The following DOCK3 variants were observed in gnomAD, a reference collection of about 807,000 sequenced individuals.
DOCK3 encodes dedicator of cytokinesis 3.
In DOCK3, 60 loss-of-function variants were observed where a neutral mutation model predicts 265.6. The observed-to-expected ratio is 0.23, with a 90% CI of 0.18 to 0.28. The LOEUF (loss-of-function observed/expected upper bound fraction) is 0.28. Ranked by LOEUF, DOCK3 falls within the 10% of genes least tolerant of loss-of-function variation. The probability of loss-of-function intolerance (pLI) is 1.00; values close to 1 mark genes in which losing one functional copy is unlikely to be tolerated. For missense variants in DOCK3, 1,981 were observed against 2,594.3 expected, an observed-to-expected ratio of 0.76 and a Z score of 5.14; for synonymous variants, 881 against 938.0, an observed-to-expected ratio of 0.94 and a Z score of 1.11.
At chr3:51,035,535 G>A (rs1488359147) in intron 5 of DOCK3, among the ~76,000 whole-genome samples, 2 of 152,110 alleles carry the variant, frequency 1.3e-5, no homozygotes, top group Non-Finnish European at 2.9e-5. Flanking sequence ...GTATTTGTCT[G>A]ATAATTCCAA....
chr3:50,944,834 C>T (rs1164849865), intron 5 of DOCK3, among the ~76,000 whole-genome samples: 1 of 152,124 alleles, frequency 6.6e-6, no homozygotes, highest in Admixed American at 6.6e-5. Flanking sequence ...GTGGCAGGAG[C>T]CTGTAATCCC....
At chr3:51,101,190 G>A (rs1452130738) in intron 9 of DOCK3, among the ~76,000 whole-genome samples, 5 of 141,932 alleles carry the variant, frequency 3.5e-5, no homozygotes, top group African/African-American at 1.1e-4. Context: ...GCGCAATCTC[G>A]GCTCACTGCA....
intron 2 of DOCK3, among the ~76,000 whole-genome samples, chr3:50,780,147 C>T (rs2041838649): frequency 6.6e-6 from 1 of 152,166 alleles, no homozygotes; most frequent in South Asian, 2.1e-4. Context: ...TATAAATTAG[C>T]ACCCTTTTGT....
intron 12 of DOCK3, among the ~76,000 whole-genome samples, chr3:51,205,202 A>G (rs1422028023): frequency 6.6e-6 from 1 of 150,886 alleles, no homozygotes; most frequent in African/African-American, 2.5e-5. Context: ...ACAGTGAAAA[A>G]AAAAGAAAAA....
chr3:51,062,350 C>T (rs1327095212), intron 5 of DOCK3, among the ~76,000 whole-genome samples: 1 of 152,138 alleles, frequency 6.6e-6, no homozygotes, highest in African/African-American at 2.4e-5. Flanking sequence ...CCTGTTTTTC[C>T]TGAACATGCC....
intron 27 of DOCK3, among the ~76,000 whole-genome samples, chr3:51,306,187 A>G (rs965470889): frequency 6.6e-6 from 1 of 151,786 alleles, no homozygotes; most frequent in Non-Finnish European, 1.5e-5. Flanking sequence ...TTTGAATGGT[A>G]GTTTTGCTGG....
At chr3:50,709,605 C>G (rs1559537965) in intron 1 of DOCK3, among the ~76,000 whole-genome samples, 1 of 152,028 alleles carries the variant, frequency 6.6e-6, no homozygotes, top group African/African-American at 2.4e-5. Flanking sequence ...GTGGGCCTAT[C>G]ACGTAAGGTC....
intron 9 of DOCK3, among the ~76,000 whole-genome samples, chr3:51,090,978 A>T (rs1027848443): frequency 1.3e-5 from 2 of 152,210 alleles, no homozygotes; most frequent in African/African-American, 4.8e-5. Context: ...TAGAAATGGA[A>T]GTTATAACAG....
intron 6 of DOCK3, among the ~76,000 whole-genome samples, chr3:51,072,849 C>A (rs1471468204): frequency 6.6e-6 from 1 of 151,664 alleles, no homozygotes; most frequent in Non-Finnish European, 1.5e-5. Flanking sequence ...GGACTGCAGT[C>A]ACATGCCATC....
intron 12 of DOCK3, among the ~76,000 whole-genome samples, chr3:51,169,661 A>T (rs2086578482): frequency 6.6e-6 from 1 of 152,076 alleles, no homozygotes; most frequent in South Asian, 2.1e-4. Context: ...TGGGTAATGA[A>T]ATAATCTGTA....
At chr3:51,315,197 A>T (rs2083298571) in intron 32 of DOCK3, 69 bp downstream of exon 32, 2 of 1,473,616 alleles carry the variant, frequency 1.4e-6, no homozygotes, top group Non-Finnish European at 9.1e-7. Context: ...GGTGGCCTAG[A>T]TGACCAAGCC....
intron 1 of DOCK3, among the ~76,000 whole-genome samples, chr3:50,700,233 C>G (rs181063523): frequency 6.6e-6 from 1 of 152,184 alleles, no homozygotes; most frequent in Non-Finnish European, 1.5e-5. Flanking sequence ...GAGCGGAGAT[C>G]GCACCATTGC....
At chr3:51,017,675 T>C (rs1451564145) in intron 5 of DOCK3, among the ~76,000 whole-genome samples, 2 of 151,906 alleles carry the variant, frequency 1.3e-5, no homozygotes, top group African/African-American at 4.9e-5. Flanking sequence ...CCAAAATTCC[T>C]GTTGTTACTG....
chr3:51,180,226 A>AAC (rs2087208546), intron 12 of DOCK3, among the ~76,000 whole-genome samples: 1 of 91,282 alleles, frequency 1.1e-5, no homozygotes, highest in Non-Finnish European at 2.2e-5. Flanking sequence ...AAAAAAAAAA[A>AAC]CACACACACA....
At chr3:51,196,890 T>C (rs188233506) in intron 12 of DOCK3, among the ~76,000 whole-genome samples, 96 of 152,372 alleles carry the variant, frequency 6.3e-4, no homozygotes, top group Non-Finnish European at 1.1e-3. Context: ...TATTTTTGGA[T>C]ACTTATTATG....
intron 3 of DOCK3, among the ~76,000 whole-genome samples, chr3:50,844,479 C>G (rs1242091737): frequency 1.3e-5 from 2 of 152,074 alleles, no homozygotes; most frequent in African/African-American, 4.8e-5. Flanking sequence ...CCTCAGCCTC[C>G]CAAAGTGCTG....
At chr3:50,711,512 T>A (rs1263113855) in intron 1 of DOCK3, among the ~76,000 whole-genome samples, 1 of 152,174 alleles carries the variant, frequency 6.6e-6, no homozygotes, top group Non-Finnish European at 1.5e-5. Flanking sequence ...TCCACCCTCC[T>A]TAGCCTCCCA....
intron 5 of DOCK3, among the ~76,000 whole-genome samples, chr3:50,974,408 A>G (rs1559884220): frequency 6.6e-6 from 1 of 151,932 alleles, no homozygotes; most frequent in African/African-American, 2.4e-5. Flanking sequence ...TCCTTTCCCC[A>G]TTGCTTGTTT....
At chr3:51,116,003 A>G (rs1172844421) in intron 9 of DOCK3, among the ~76,000 whole-genome samples, 1 of 152,006 alleles carries the variant, frequency 6.6e-6, no homozygotes, top group African/African-American at 2.4e-5. Flanking sequence ...ATTGGTCTAT[A>G]TCTCTGTTTT....
Sources: gnomAD v4.1 joint callset for allele counts (sites outside exome capture counted in the v4.1 genomes callset) on GRCh38, gnomAD v4.1.1 for gene constraint, MANE v1.5 for transcripts, NCBI Gene and HGNC (gene_info 2026-07-23, HGNC 2026-07-21) for gene names.